CERKL: variants seen among roughly 807,000 people sequenced by gnomAD.
The protein encoded by CERKL is ceramide kinase-like protein.
CERKL carries 61 observed loss-of-function variants against 63.4 expected under a neutral mutation model. That is an observed-to-expected ratio of 0.96 (90% confidence interval 0.78 to 1.19). The LOEUF (loss-of-function observed/expected upper bound fraction) is 1.19, where lower values mean the gene tolerates loss of function less well. Among genes scored for constraint, CERKL ranks in the 50% most tolerant of loss-of-function variants. The pLI is 0.00. For missense variants in CERKL, 675 were observed against 655.5 expected, an observed-to-expected ratio of 1.03 and a Z score of -0.33; for synonymous variants, 250 against 230.5, an observed-to-expected ratio of 1.08 and a Z score of -0.77.
intron 5 of CERKL, among the ~76,000 whole-genome samples, chr2:181,557,037 G>A (rs1379346602): frequency 6.6e-6 from 1 of 152,296 alleles, no homozygotes; most frequent in East Asian, 1.9e-4. Flanking sequence ...CTGCATAAAT[G>A]TCTTCTTTTG....
At chr2:181,615,938 A>C (rs1686173988) in intron 1 of CERKL, among the ~76,000 whole-genome samples, 1 of 152,196 alleles carries the variant, frequency 6.6e-6, no homozygotes, top group Non-Finnish European at 1.5e-5. Flanking sequence ...ACAACGAAGT[A>C]GGCTTCTTAT....
chr2:181,542,489 T>C (rs1277587777), intron 11 of CERKL, among the ~76,000 whole-genome samples: 1 of 152,236 alleles, frequency 6.6e-6, no homozygotes, highest in Non-Finnish European at 1.5e-5. Context: ...ACATTTTTAA[T>C]GTCACCATGA....
intron 2 of CERKL, among the ~76,000 whole-genome samples, chr2:181,599,587 C>T (rs1382690457): frequency 6.8e-6 from 1 of 146,228 alleles, no homozygotes; most frequent in East Asian, 2.1e-4. Context: ...TAACAACAGA[C>T]TACACCAAGC....
rs558913945 is a variant in CERKL at position 181,603,953 on chromosome 2, A to C, written c.365T>G (p.Leu122Arg). 9.9e-6 allele frequency: 16 copies of C among 1,613,304 alleles called. No homozygotes were observed. The highest frequency in any genetic ancestry group is 1.4e-5 in the Non-Finnish European group (16 of 1,179,710). ...QRSGTLLGIT[L>R]FICLKKEQNK... ...TTGTTCCTTTTTCAAGCAGATGAAGAGTGTGATACCTAATAAAGTACCACT... is the reference window on the plus strand; with the variant it reads ...TTGTTCCTTTTTCAAGCAGATGAAGCGTGTGATACCTAATAAAGTACCACT... Residue 122 changes from leucine to arginine, a missense_variant, in exon 2 of 13, where the codon CTC becomes CGC. Coordinates refer to ENST00000410087, the MANE Select transcript of CERKL (RefSeq NM_201548.5).
intron 1 of CERKL, among the ~76,000 whole-genome samples, chr2:181,611,109 G>A (rs1685950435): frequency 6.6e-6 from 1 of 152,052 alleles, no homozygotes. Flanking sequence ...TGTAACCCCA[G>A]CTACTCAGGA....
rs554387716 is a variant in CERKL at position 181,642,945 on chromosome 2, T to G, written c.238+13824A>C. Among the ~76,000 whole-genome samples the G allele has an allele frequency of 4.2e-4, 64 of 152,306 alleles. No individual in the cohort carries two copies. In the South Asian group the frequency reaches 5.0e-3, roughly 12 times the overall value. ...TTTCTTCCTTTCCAATGACAATACC[T>G]ACACCAAAGCGATTGCCCACCTCTA... On this transcript the variant is annotated intron_variant, in intron 1 of 12. Transcript: ENST00000410087.
intron 2 of CERKL, among the ~76,000 whole-genome samples, chr2:181,600,463 A>G (rs768714126): frequency 3.9e-5 from 6 of 152,198 alleles, no homozygotes; most frequent in Non-Finnish European, 7.3e-5. Context: ...GCTGAATTCA[A>G]GAGACCCATC....
At chr2:181,625,877 A>C (rs551702066) in intron 1 of CERKL, among the ~76,000 whole-genome samples, 29 of 152,244 alleles carry the variant, frequency 1.9e-4, no homozygotes, top group Non-Finnish European at 3.5e-4. Flanking sequence ...AATGATATTT[A>C]ATTTAATCTA....
intron 1 of CERKL, among the ~76,000 whole-genome samples, chr2:181,640,631 A>G (rs1425299938): frequency 6.6e-6 from 1 of 152,158 alleles, no homozygotes; most frequent in Non-Finnish European, 1.5e-5. Flanking sequence ...CATTTTCTCA[A>G]ATTACAGAGG....
chr2:181,598,872 G>A (rs796646636), intron 2 of CERKL, among the ~76,000 whole-genome samples: 2,876 of 118,858 alleles, frequency 0.024, 88 homozygotes, highest in African/African-American at 0.097. Flanking sequence ...CCCTCAAGGG[G>A]AAAAAAAAAA....
intron 1 of CERKL, among the ~76,000 whole-genome samples, chr2:181,616,236 CAG>C (rs1686190795): frequency 1.2e-5 from 1 of 86,586 alleles, no homozygotes; most frequent in Non-Finnish European, 1.9e-5. Context: ...TTTTTTAAGA[CAG>C]AGTCTCACTC....
At chr2:181,597,731 G>A (rs1559096903) in intron 2 of CERKL, among the ~76,000 whole-genome samples, 1 of 152,144 alleles carries the variant, frequency 6.6e-6, no homozygotes, top group Non-Finnish European at 1.5e-5. Context: ...CACCAGTGGT[G>A]GGCCTCTGCT....
chr2:181,600,207 T>C (rs969095699), intron 2 of CERKL, among the ~76,000 whole-genome samples: 38 of 152,162 alleles, frequency 2.5e-4, no homozygotes, highest in African/African-American at 8.7e-4. Flanking sequence ...TCCAAGGAGT[T>C]CTAAACATGG....
In CERKL at chr2:181,657,074, C is replaced by T. The variant is rs533289655; in HGVS notation, c.-68G>A. 108 of 1,390,376 alleles carry T rather than the reference C, an allele frequency of 7.8e-5. 1 individual carries two copies. In the South Asian group the frequency reaches 1.2e-3, roughly 15 times the overall value. The allele number at this position is 1,390,376 out of a possible 1,614,324, so 86.1% of individuals were successfully genotyped here. A position where few individuals can be genotyped will look rare whatever the true frequency, so the allele number is the denominator to read the frequency against. On this transcript the variant is annotated 5_prime_UTR_variant, in exon 1 of 13. Coordinates refer to ENST00000410087, the MANE Select transcript of CERKL (RefSeq NM_201548.5). ...CCTTTGGAGAAGGAGGTGGAGGGCG[C>T]GGCAGCCCCAGCTCTAGCCGCGTCC...
intron 1 of CERKL, among the ~76,000 whole-genome samples, chr2:181,616,825 T>C (rs1411673046): frequency 6.6e-6 from 1 of 152,224 alleles, no homozygotes; most frequent in Non-Finnish European, 1.5e-5. Flanking sequence ...TGTATACACA[T>C]AGTCTTGTTT....
intron 11 of CERKL, among the ~76,000 whole-genome samples, chr2:181,541,236 G>A (rs1002493743): frequency 6.6e-6 from 1 of 152,220 alleles, no homozygotes; most frequent in Non-Finnish European, 1.5e-5. Context: ...GGGATGAACA[G>A]AGGAAAGACC....
chr2:181,572,477 T>C (rs192346983), intron 3 of CERKL, among the ~76,000 whole-genome samples: 5 of 152,310 alleles, frequency 3.3e-5, no homozygotes, highest in Admixed American at 2.0e-4. Context: ...ATGAACAAAA[T>C]AGTCATTGAG....
chr2:181,634,042 A>T (rs970122295), intron 1 of CERKL, among the ~76,000 whole-genome samples: 5 of 152,206 alleles, frequency 3.3e-5, no homozygotes, highest in African/African-American at 1.2e-4. Flanking sequence ...TTAAAGTGTC[A>T]ATCAATGACA....
intron 2 of CERKL, among the ~76,000 whole-genome samples, chr2:181,588,474 C>A (rs1684855718): frequency 6.6e-6 from 1 of 152,136 alleles, no homozygotes. Context: ...GTATACACAC[C>A]ATATTTTCTT....
Sources: gnomAD v4.1 joint callset for allele counts (sites outside exome capture counted in the v4.1 genomes callset) on GRCh38, gnomAD v4.1.1 for gene constraint, MANE v1.5 for transcripts, NCBI Gene and HGNC (gene_info 2026-07-23, HGNC 2026-07-21) for gene names.